CNTN4: variants seen among roughly 807,000 people sequenced by gnomAD.
The protein encoded by CNTN4 is contactin-4.
In CNTN4, 77 loss-of-function variants were observed where a neutral mutation model predicts 122.5. The observed-to-expected ratio is 0.63, with a 90% CI of 0.52 to 0.76. The LOEUF (loss-of-function observed/expected upper bound fraction) is 0.76. CNTN4 is among the 30% of genes least tolerant of loss of function. The pLI is 0.00. For synonymous variants in CNTN4, 512 were observed against 447.0 expected (o/e 1.15, Z -1.83); for missense variants, 1,256 against 1,259.1 (o/e 1.00, Z 0.04).
chr3:2,681,691 C>A (rs1461934589), intron 4 of CNTN4, among the ~76,000 whole-genome samples: 1 of 151,966 alleles, frequency 6.6e-6, no homozygotes, highest in East Asian at 1.9e-4. Context: ...TGTGTGCATA[C>A]CCCATATATA....
intron 12 of CNTN4, among the ~76,000 whole-genome samples, chr3:2,905,180 A>G (rs2094216042): frequency 6.6e-6 from 1 of 152,198 alleles, no homozygotes; most frequent in African/African-American, 2.4e-5. Flanking sequence ...TCCAATTGGA[A>G]CTGTCTAATT....
At chr3:2,585,045 A>G (rs2080124049) in intron 4 of CNTN4, among the ~76,000 whole-genome samples, 1 of 152,180 alleles carries the variant, frequency 6.6e-6, no homozygotes, top group Non-Finnish European at 1.5e-5. Flanking sequence ...ACAGAGGAAA[A>G]TACTACATCA....
chr3:2,280,019 AT>A (rs2041659183), intron 2 of CNTN4, among the ~76,000 whole-genome samples: 1 of 152,096 alleles, frequency 6.6e-6, no homozygotes, highest in Non-Finnish European at 1.5e-5. Context: ...AAAGGAATAT[AT>A]ATCTATATAG....
intron 13 of CNTN4, among the ~76,000 whole-genome samples, chr3:2,957,875 T>TTGTAAATAGTGC (rs1164528479): frequency 2.0e-5 from 3 of 152,206 alleles, no homozygotes; most frequent in African/African-American, 7.2e-5. Flanking sequence ...GTCTTTGCTA[T>TTGTAAATAGTGC]TGTAAATAGT....
intron 19 of CNTN4, 145 bp downstream of exon 19, chr3:3,039,148 C>A: frequency 2.7e-6 from 2 of 734,430 alleles, no homozygotes; most frequent in Non-Finnish European, 2.4e-6. Flanking sequence ...TCTCACGTAG[C>A]TAATGGCTAG....
intron 3 of CNTN4, among the ~76,000 whole-genome samples, chr3:2,435,989 TA>T (rs1352980879): frequency 6.6e-6 from 1 of 152,192 alleles, no homozygotes; most frequent in Admixed American, 6.5e-5. Flanking sequence ...AAACTGTTTA[TA>T]TCTCTATTAG....
chr3:2,917,282 C>A (rs374213406), intron 12 of CNTN4, among the ~76,000 whole-genome samples: 2 of 150,394 alleles, frequency 1.3e-5, no homozygotes, highest in African/African-American at 5.0e-5. Flanking sequence ...AGAGGGAGAC[C>A]GTGGAAAGCG....
intron 4 of CNTN4, among the ~76,000 whole-genome samples, chr3:2,606,232 T>G (rs1246114400): frequency 1.3e-5 from 2 of 152,202 alleles, no homozygotes; most frequent in African/African-American, 2.4e-5. Context: ...TTGTCGTGAT[T>G]CCTTGGCAAT....
intron 7 of CNTN4, among the ~76,000 whole-genome samples, chr3:2,824,185 G>A (rs1394229234): frequency 2.7e-5 from 4 of 150,836 alleles, no homozygotes; most frequent in East Asian, 2.0e-4. Flanking sequence ...CAGGCCAGGC[G>A]CGGTGACTCA....
intron 4 of CNTN4, among the ~76,000 whole-genome samples, chr3:2,710,943 G>C (rs960618245): frequency 6.6e-6 from 1 of 152,178 alleles, no homozygotes; most frequent in African/African-American, 2.4e-5. Flanking sequence ...TCAAAGCAGA[G>C]AAGTCAGCTT....
intron 2 of CNTN4, among the ~76,000 whole-genome samples, chr3:2,189,986 G>T (rs371591507): frequency 6.6e-6 from 1 of 152,158 alleles, no homozygotes; most frequent in Admixed American, 6.6e-5. Flanking sequence ...CATACAGGAA[G>T]GTGATGATGA....
chr3:2,442,274 T>C lies in CNTN4; in HGVS notation c.-89+103041T>C, dbSNP rs867839358. 5.9e-5 allele frequency among the ~76,000 whole-genome samples: 9 copies of C among 152,192 alleles called. No homozygotes were observed. In the Middle Eastern group the frequency reaches 0.01, roughly 173 times the overall value. ...AAATCGAGGAAGGAATTCAAGTAAT[T>C]AGCATTTTACAATTGTCTGGAACTG... On this transcript the variant is annotated intron_variant, in intron 3 of 24. Transcript: ENST00000418658.
chr3:2,874,403 CTTGAAAT>C (rs2150910710), intron 8 of CNTN4, among the ~76,000 whole-genome samples: 1 of 152,258 alleles, frequency 6.6e-6, no homozygotes, highest in South Asian at 2.1e-4. Context: ...TATAGAGGGA[CTTGAAAT>C]GAAAGAGGGA....
At chr3:2,462,716 C>G (rs1316770990) in intron 3 of CNTN4, among the ~76,000 whole-genome samples, 1 of 152,126 alleles carries the variant, frequency 6.6e-6, no homozygotes. Context: ...GTATAATTAT[C>G]CATGAATTTC....
At chr3:2,648,086 A>T (rs1036845903) in intron 4 of CNTN4, among the ~76,000 whole-genome samples, 1 of 152,188 alleles carries the variant, frequency 6.6e-6, no homozygotes, top group Non-Finnish European at 1.5e-5. Flanking sequence ...AAACGCTCTG[A>T]AGATTTTTTT....
At chr3:2,919,839 T>A (rs1030412753) in intron 12 of CNTN4, among the ~76,000 whole-genome samples, 2 of 152,164 alleles carry the variant, frequency 1.3e-5, no homozygotes, top group African/African-American at 2.4e-5. Flanking sequence ...ACTTAAAGCA[T>A]TATATAAGAA....
chr3:2,483,137 C>T (rs1006456438), intron 3 of CNTN4, among the ~76,000 whole-genome samples: 1 of 152,214 alleles, frequency 6.6e-6, no homozygotes, highest in Non-Finnish European at 1.5e-5. Flanking sequence ...CTGCCCAAGG[C>T]TGTGGGAGCC....
intron 13 of CNTN4, among the ~76,000 whole-genome samples, chr3:2,973,103 T>A (rs1304664020): frequency 6.6e-6 from 1 of 152,078 alleles, no homozygotes; most frequent in East Asian, 1.9e-4. Context: ...AGATGGTTTG[T>A]CTGAAAAGAA....
At chr3:2,457,933 G>A (rs1233062373) in intron 3 of CNTN4, among the ~76,000 whole-genome samples, 1 of 152,140 alleles carries the variant, frequency 6.6e-6, no homozygotes, top group African/African-American at 2.4e-5. Flanking sequence ...TAGTAGAAAT[G>A]AGATTTTGAC....
Sources: gnomAD v4.1 joint callset for allele counts (sites outside exome capture counted in the v4.1 genomes callset) on GRCh38, gnomAD v4.1.1 for gene constraint, MANE v1.5 for transcripts, NCBI Gene and HGNC (gene_info 2026-07-23, HGNC 2026-07-21) for gene names.